The following ERC2 variants were observed in gnomAD, a reference collection of about 807,000 sequenced individuals.
ERC2 encodes ELKS/RAB6-interacting/CAST family member 2.
A neutral mutation model predicts 114.8 loss-of-function variants in ERC2; 42 were observed. The ratio of observed to expected loss-of-function variants is 0.37; its 90% CI spans 0.29 to 0.47. The LOEUF is 0.47. Among genes scored for constraint, ERC2 ranks in the 20% least tolerant of loss-of-function variants. The pLI, the probability that ERC2 is intolerant of heterozygous loss-of-function variation, is 0.99. For synonymous variants in ERC2, 454 were observed against 425.5 expected (o/e 1.07, Z -0.82); for missense variants, 939 against 1,150.7 (o/e 0.82, Z 2.66).
intron 17 of ERC2, among the ~76,000 whole-genome samples, chr3:55,650,247 C>A (rs1433260060): frequency 2.6e-5 from 4 of 152,172 alleles, no homozygotes; most frequent in South Asian, 2.1e-4. Flanking sequence ...GCGTTCCCTG[C>A]AAAAAGAGTC....
intron 17 of ERC2, among the ~76,000 whole-genome samples, chr3:55,536,476 T>C (rs147160137): frequency 2.6e-5 from 4 of 152,332 alleles, no homozygotes; most frequent in African/African-American, 9.6e-5. Flanking sequence ...CTGTGCCTGA[T>C]ACAGAGTATG....
At chr3:55,568,228 A>G (rs1396232590) in intron 17 of ERC2, among the ~76,000 whole-genome samples, 2 of 152,136 alleles carry the variant, frequency 1.3e-5, no homozygotes, top group Non-Finnish European at 2.9e-5. Flanking sequence ...CTGAATTGTG[A>G]TGAGTGGTAT....
At chr3:55,717,161 C>T (rs145705483) in intron 15 of ERC2, among the ~76,000 whole-genome samples, 52 of 152,290 alleles carry the variant, frequency 3.4e-4, no homozygotes, top group Admixed American at 5.9e-4. Context: ...TTGAGGCTCA[C>T]GGACCTTGTT....
At chr3:56,027,998 A>AT (rs2074153284) in intron 7 of ERC2, among the ~76,000 whole-genome samples, 2 of 152,124 alleles carry the variant, frequency 1.3e-5, no homozygotes, top group African/African-American at 4.8e-5. Flanking sequence ...GTCAATGTTC[A>AT]TTGTGTTGCC....
chr3:55,884,661 C>T (rs989873005), intron 14 of ERC2, among the ~76,000 whole-genome samples: 10 of 152,070 alleles, frequency 6.6e-5, no homozygotes, highest in African/African-American at 2.4e-4. Context: ...CATGGCCTGC[C>T]ATGGGAATGG....
At chr3:55,786,172 A>G (rs1559651752) in intron 14 of ERC2, among the ~76,000 whole-genome samples, 1 of 152,242 alleles carries the variant, frequency 6.6e-6, no homozygotes, top group East Asian at 1.9e-4. Flanking sequence ...CTGATTAAAA[A>G]TGAGCCAAGT....
chr3:55,911,048 G>A (rs998245245), intron 13 of ERC2, among the ~76,000 whole-genome samples: 7 of 151,998 alleles, frequency 4.6e-5, no homozygotes, highest in African/African-American at 1.5e-4. Flanking sequence ...CCTGCGCTCT[G>A]TCCCTCTCTT....
chr3:55,588,975 G>A (rs2057732671), intron 17 of ERC2, among the ~76,000 whole-genome samples: 1 of 152,054 alleles, frequency 6.6e-6, no homozygotes, highest in Non-Finnish European at 1.5e-5. Flanking sequence ...AGGGAGGGTA[G>A]GGCAAGCATT....
chr3:56,175,688 G>T (rs1044892266), intron 3 of ERC2, among the ~76,000 whole-genome samples: 1 of 152,088 alleles, frequency 6.6e-6, no homozygotes, highest in African/African-American at 2.4e-5. Flanking sequence ...TACCCAAGTG[G>T]CATCCCTGAA....
In ERC2 at chr3:55,638,648, C is replaced by A. The variant is rs1458294468; in HGVS notation, c.*39+45146G>T. 2.0e-5 allele frequency among the ~76,000 whole-genome samples: 3 copies of A among 152,170 alleles called. No homozygotes were observed. In the East Asian group the frequency reaches 5.8e-4, roughly 29 times the overall value. ...GCACCATAAGAACAGGAACCAGAGT[C>A]CTTGCCCATCCCCCAAGTAAATACA... is the stretch of plus-strand genomic sequence containing the variant. On this transcript the variant is annotated intron_variant, in intron 17 of 17. Coordinates refer to ENST00000288221, the MANE Select transcript of ERC2 (RefSeq NM_015576.3).
intron 5 of ERC2, among the ~76,000 whole-genome samples, chr3:56,145,331 A>C (rs2081080945): frequency 6.6e-6 from 1 of 152,220 alleles, no homozygotes; most frequent in Non-Finnish European, 1.5e-5. Flanking sequence ...CTAATATAGA[A>C]ATACTGGAAT....
chr3:55,667,247 G>T (rs1429796158), intron 17 of ERC2, among the ~76,000 whole-genome samples: 1 of 152,164 alleles, frequency 6.6e-6, no homozygotes, highest in Non-Finnish European at 1.5e-5. Context: ...GAAAGAACAA[G>T]GGAAGATAGT....
At chr3:56,289,177 C>T (rs1410707262) in intron 3 of ERC2, among the ~76,000 whole-genome samples, 4 of 152,066 alleles carry the variant, frequency 2.6e-5, no homozygotes, top group Non-Finnish European at 5.9e-5. Flanking sequence ...CCCTTGCCTG[C>T]CCACTGCTGT....
At chr3:56,016,822 G>C (rs752730188) in intron 8 of ERC2, among the ~76,000 whole-genome samples, 1 of 152,054 alleles carries the variant, frequency 6.6e-6, no homozygotes, top group Non-Finnish European at 1.5e-5. Flanking sequence ...TTAATTAGTG[G>C]CTTAGGTGGG....
At chr3:56,394,076 C>T (rs2060220795) in intron 2 of ERC2, among the ~76,000 whole-genome samples, 1 of 152,168 alleles carries the variant, frequency 6.6e-6, no homozygotes, top group African/African-American at 2.4e-5. Context: ...ATAAGGGAGG[C>T]ATTCTCATGA....
intron 13 of ERC2, among the ~76,000 whole-genome samples, chr3:55,889,758 A>T (rs2149322049): frequency 6.6e-6 from 1 of 152,286 alleles, no homozygotes; most frequent in East Asian, 1.9e-4. Flanking sequence ...CTTCCAGCTG[A>T]ACTTGGCAGA....
intron 2 of ERC2, among the ~76,000 whole-genome samples, chr3:56,367,074 C>A (rs1287132355): frequency 1.3e-5 from 2 of 152,118 alleles, no homozygotes; most frequent in African/African-American, 4.8e-5. Flanking sequence ...TCTAATTCTT[C>A]TCCAGAAAAA....
chr3:56,176,174 G>A (rs2082964864), intron 3 of ERC2, among the ~76,000 whole-genome samples: 1 of 152,162 alleles, frequency 6.6e-6, no homozygotes, highest in Admixed American at 6.5e-5. Context: ...CTGATACCAG[G>A]TGGCATCAAA....
chr3:55,942,319 C>T (rs1361145771), intron 13 of ERC2, among the ~76,000 whole-genome samples: 2 of 107,080 alleles, frequency 1.9e-5, no homozygotes, highest in Non-Finnish European at 3.4e-5. Flanking sequence ...GACGGAGTCT[C>T]GCTCTGTCGC....
Sources: gnomAD v4.1 joint callset for allele counts (sites outside exome capture counted in the v4.1 genomes callset) on GRCh38, gnomAD v4.1.1 for gene constraint, MANE v1.5 for transcripts, NCBI Gene and HGNC (gene_info 2026-07-23, HGNC 2026-07-21) for gene names.